Variants in PXDC1 observed in about 807,000 individuals in gnomAD.
The protein encoded by PXDC1 is PX domain-containing protein 1.
Under a neutral mutation model 24.4 loss-of-function variants are expected in PXDC1, and 13 were observed. The observed-to-expected ratio is 0.53, with a 90% confidence interval of 0.35 to 0.85. PXDC1 has a LOEUF of 0.85. PXDC1 is among the 40% of genes least tolerant of loss of function. The pLI is 0.01. For synonymous variants in PXDC1, 162 were observed against 124.9 expected (o/e 1.30, Z -1.98); for missense variants, 344 against 309.3 (o/e 1.11, Z -0.84).
chr6:3,733,448 C>T (rs74336008), intron 3 of PXDC1, among the ~76,000 whole-genome samples: 12 of 152,186 alleles, frequency 7.9e-5, no homozygotes, highest in African/African-American at 2.7e-4. Context: ...GTGGGTGTAC[C>T]GCCTCGCCAC....
intron 3 of PXDC1, 86 bp downstream of exon 3, chr6:3,736,993 T>C: frequency 1.2e-6 from 1 of 820,854 alleles, no homozygotes; most frequent in East Asian, 2.4e-5. Flanking sequence ...TGGCCCAGCC[T>C]CAGAGACAGC....
intron 1 of PXDC1, among the ~76,000 whole-genome samples, chr6:3,740,849 C>T (rs1035012779): frequency 3.9e-5 from 6 of 152,262 alleles, no homozygotes; most frequent in Admixed American, 1.3e-4. Flanking sequence ...CAGCCTCTTG[C>T]TCCTCTGCAA....
chr6:3,737,632 A>G lies in PXDC1; in HGVS notation c.348+425T>C. On this transcript the variant is annotated intron_variant, in intron 2 of 4. Transcript: ENST00000380283. The surrounding 1 kb of genome is among the most constrained non-coding windows in gnomAD (Gnocchi z 5.5). ...GCAGGCTTACATGGAAAGGGAGTTGACGGTCAAATCCGGGCAACGTGCCCC... is the reference window on the plus strand; with the variant it reads ...GCAGGCTTACATGGAAAGGGAGTTGGCGGTCAAATCCGGGCAACGTGCCCC... 1.0e-6 allele frequency: 1 copy of G among 985,044 alleles called. No homozygotes were observed. Among genetic ancestry groups the G allele is most frequent in the Non-Finnish European group, 1.2e-6 (1 of 829,570 alleles). The allele number at this position is 985,044 out of a possible 1,614,324, so 61.0% of individuals were successfully genotyped here.
intron 1 of PXDC1, among the ~76,000 whole-genome samples, chr6:3,738,368 A>T (rs1326529126): frequency 6.6e-6 from 1 of 152,184 alleles, no homozygotes; most frequent in East Asian, 1.9e-4. Flanking sequence ...AAGTCTGTGC[A>T]GGAGTTGGTA....
chr6:3,736,947 A>G, intron 3 of PXDC1, 132 bp downstream of exon 3: 5 of 710,802 alleles, frequency 7.0e-6, no homozygotes, highest in South Asian at 5.0e-5. Context: ...CTCCCTGTAC[A>G]TTCGCATTTC....
intron 3 of PXDC1, among the ~76,000 whole-genome samples, chr6:3,731,074 A>T (rs944276905): frequency 1.3e-5 from 2 of 152,240 alleles, no homozygotes; most frequent in African/African-American, 4.8e-5. Context: ...ATCTATCATG[A>T]TCATTCAGTG....
At chr6:3,740,800 C>G (rs11756294) in intron 1 of PXDC1, among the ~76,000 whole-genome samples, 68,962 of 152,230 alleles carry the variant, frequency 0.45, 16,963 homozygotes, top group Non-Finnish European at 0.55. Context: ...ATGGGACTGG[C>G]TCCTGCCTGT....
Position 3,724,971 on chromosome 6 carries a change from C to T in PXDC1, c.579-1235G>A, listed in dbSNP as rs192539436. The stretch of plus-strand genomic sequence containing the variant: ...TGGAGTGTGGTGTCAGCCCCCGCCT[C>T]GGCTTCCCTATGCTCACGGTCCTGG... On this transcript the variant is annotated intron_variant, in intron 4 of 4. Transcript: ENST00000380283. The surrounding 1 kb of genome is among the most constrained non-coding windows in gnomAD (Gnocchi z 4.5). Among the ~76,000 whole-genome samples the T allele has an allele frequency of 8.5e-5, 13 of 152,268 alleles. No individual in the cohort carries two copies. Among genetic ancestry groups the T allele is most frequent in the Non-Finnish European group, 1.9e-4 (13 of 68,016 alleles).
At position 3,739,961 on chromosome 6, in the gene PXDC1, A is replaced by G. The variant is rs75873105; in HGVS notation, c.257-1813T>C. ...TTGTTTTTAAAGAGAAGACAATTAT[A>G]TAACTCATTCCCACAAAGTGCTTCT... On this transcript the variant is annotated intron_variant, in intron 1 of 4. Transcript: ENST00000380283. Among the ~76,000 whole-genome samples the G allele has an allele frequency of 7.9e-3, 1,197 of 152,348 alleles. 14 individuals carry two copies. Among genetic ancestry groups the G allele is most frequent in the African/African-American group, 0.027 (1,124 of 41,582 alleles).
At chr6:3,738,280 G>T in intron 1 of PXDC1, 132 bp from the exon 2 acceptor site, 1 of 721,768 alleles carries the variant, frequency 1.4e-6, no homozygotes, top group Non-Finnish European at 2.4e-6. Flanking sequence ...CATTCATTCA[G>T]CCTTATGCAC....
intron 1 of PXDC1, among the ~76,000 whole-genome samples, chr6:3,745,396 C>T (rs1272140535): frequency 2.0e-5 from 3 of 152,246 alleles, no homozygotes; most frequent in Admixed American, 1.3e-4. Context: ...GGGCACTCTA[C>T]GGATACCACT....
At chr6:3,741,752 C>T (rs982832610) in intron 1 of PXDC1, among the ~76,000 whole-genome samples, 6 of 152,226 alleles carry the variant, frequency 3.9e-5, no homozygotes, top group Non-Finnish European at 8.8e-5. Context: ...GAGCAGCAAA[C>T]GCCTCCCCGC....
intron 1 of PXDC1, 37 bp downstream of exon 1, chr6:3,751,239 T>TCGGCCCCGCGCCCCTCCCG (rs1760709559): frequency 5.0e-6 from 7 of 1,409,540 alleles, no homozygotes; most frequent in Middle Eastern, 2.4e-4. Flanking sequence ...CAAGGCTGCC[T>TCGGCCCCGCGCCCCTCCCG]CGGCCCCGCG....
rs753475003 is a variant in PXDC1, at chr6:3,751,569, GCCGC to G, written c.-42_-39del. The stretch of plus-strand genomic sequence containing the variant: ...CCCCCGCCAAGGGCTCCCCAGCCCC[GCCGC>G]CCGCCCGCCCGCAGGAGGCGCGCCC... On this transcript the variant is annotated 5_prime_UTR_variant, in exon 1 of 5. Coordinates refer to ENST00000380283, the MANE Select transcript of PXDC1 (RefSeq NM_183373.4). The G allele has an allele frequency of 3.2e-5, 47 of 1,473,726 alleles. No homozygotes were observed. The Middle Eastern group carries it at 5.5e-4, about 17-fold the overall frequency. 91.3% of individuals were successfully genotyped at this position (1,473,726 alleles called of 1,614,324 possible). A position where few individuals can be genotyped will look rare whatever the true frequency, so the allele number is the denominator to read the frequency against.
rs760595597 is a variant in PXDC1 at position 3,724,653 on chromosome 6, G to A, written c.579-917C>T. On this transcript the variant is annotated intron_variant, in intron 4 of 4. Coordinates refer to ENST00000380283, the MANE Select transcript of PXDC1 (RefSeq NM_183373.4). This position sits in a 1 kb window ranked among gnomAD's most constrained non-coding sequence, Gnocchi z 4.5. ...GCCCCGCCCTCCTGGGAGCCACCTC[G>A]GGGCTGCCTCCTGTGCCGCCCCCAG... 1.3e-5 allele frequency among the ~76,000 whole-genome samples: 2 copies of A among 152,226 alleles called. No individual in the cohort carries two copies. The highest frequency in any genetic ancestry group is 2.9e-5 in the Non-Finnish European group (2 of 68,004).
chr6:3,740,937 C>T (rs1205449837), intron 1 of PXDC1, among the ~76,000 whole-genome samples: 1 of 152,284 alleles, frequency 6.6e-6, no homozygotes, highest in African/African-American at 2.4e-5. Flanking sequence ...GCTCATCTCC[C>T]TGTGACCAGC....
At chr6:3,740,588 G>A (rs1760430195) in intron 1 of PXDC1, among the ~76,000 whole-genome samples, 1 of 152,082 alleles carries the variant, frequency 6.6e-6, no homozygotes, top group Non-Finnish European at 1.5e-5. Flanking sequence ...ATTTTAGTTG[G>A]GCGTGCAGAC....
At chr6:3,727,485 C>A (rs2127597907) in intron 4 of PXDC1, 66 bp downstream of exon 4, 4 of 1,117,730 alleles carry the variant, frequency 3.6e-6, no homozygotes, top group South Asian at 1.4e-5. Context: ...GAACAGTGAG[C>A]CCCCATCCCA....
intron 3 of PXDC1, among the ~76,000 whole-genome samples, chr6:3,730,023 G>A (rs1047278840): frequency 2.6e-5 from 4 of 152,234 alleles, no homozygotes; most frequent in Non-Finnish European, 5.9e-5. Context: ...TTAATTGCCT[G>A]TGACAAGGAG....
Sources: gnomAD v4.1 joint callset for allele counts (sites outside exome capture counted in the v4.1 genomes callset) on GRCh38, gnomAD v4.1.1 for gene constraint, Gnocchi (gnomAD v3.1) non-coding constraint, MANE v1.5 for transcripts, NCBI Gene and HGNC (gene_info 2026-07-23, HGNC 2026-07-21) for gene names.